The following UBXN2A variants were observed in gnomAD, a reference collection of about 807,000 sequenced individuals.
UBXN2A encodes the protein UBX domain-containing protein 2A.
In UBXN2A, 28 loss-of-function variants were observed where a neutral mutation model predicts 28.4. The ratio of observed to expected loss-of-function variants is 0.99; its 90% CI spans 0.73 to 1.35. The LOEUF (loss-of-function observed/expected upper bound fraction) is 1.35. Among genes scored for constraint, UBXN2A ranks in the 40% most tolerant of loss-of-function variants. UBXN2A has a pLI of 0.00. For synonymous variants in UBXN2A, 97 were observed against 103.6 expected (o/e 0.94, Z 0.39); for missense variants, 253 against 297.9 (o/e 0.85, Z 1.11).
intron 3 of UBXN2A, among the ~76,000 whole-genome samples, chr2:23,972,402 A>G (rs1258147006): frequency 1.3e-5 from 2 of 152,222 alleles, no homozygotes; most frequent in African/African-American, 2.4e-5. Flanking sequence ...CTGAAATTCA[A>G]AACCCTCTGG....
intron 3 of UBXN2A, among the ~76,000 whole-genome samples, chr2:23,976,220 C>T (rs1337049678): frequency 6.6e-6 from 1 of 152,132 alleles, no homozygotes; most frequent in African/African-American, 2.4e-5. Context: ...GGAGCTACCG[C>T]GCCTGGCCCA....
upstream of UBXN2A, among the ~76,000 whole-genome samples, chr2:23,935,548 A>C (rs1170460026): frequency 6.6e-6 from 1 of 152,252 alleles, no homozygotes; most frequent in Non-Finnish European, 1.5e-5. Context: ...GATACACTTC[A>C]TACTCATTAG....
intron 1 of UBXN2A, among the ~76,000 whole-genome samples, chr2:23,948,235 G>A (rs1009155675): frequency 6.7e-6 from 1 of 149,852 alleles, no homozygotes; most frequent in African/African-American, 2.5e-5. Context: ...TAAGTCTGAA[G>A]ATGTTTCTTT....
rs1708749708 is a variant in UBXN2A, at chr2:24,003,085, C to T, written c.*3218C>T. 1 of 152,116 alleles carries T rather than the reference C, an allele frequency of 6.6e-6. No homozygotes were observed. Among genetic ancestry groups the T allele is most frequent in the Admixed American group, 6.5e-5 (1 of 15,270 alleles). The allele number at this position is 152,116 out of a possible 1,614,324, so 9.4% of individuals were successfully genotyped here. On this transcript the variant is annotated 3_prime_UTR_variant, in exon 7 of 7. Transcript: ENST00000309033. Reference sequence around the variant, plus strand: ...AGCTTTTCAAAAATGCCATTCCTGCCACCTACCACAAAGATTCTGATTCAC... The same window carrying T: ...AGCTTTTCAAAAATGCCATTCCTGCTACCTACCACAAAGATTCTGATTCAC...
chr2:23,938,673 CTATACAGCTACTATACAGCTG>C (rs374269393), upstream of UBXN2A, among the ~76,000 whole-genome samples: 93 of 151,266 alleles, frequency 6.1e-4, no homozygotes, highest in South Asian at 2.5e-3. Flanking sequence ...TTCCTGATTT[CTATACAGCTACTATACAGCTG>C]TATACAGCTA....
At chr2:23,941,545 G>T (rs944144213) in intron 1 of UBXN2A, among the ~76,000 whole-genome samples, 1 of 152,222 alleles carries the variant, frequency 6.6e-6, no homozygotes, top group Non-Finnish European at 1.5e-5. Context: ...CTGCAGTCCA[G>T]TGTTAATGGA....
At chr2:23,943,049 G>A (rs896156006) in intron 1 of UBXN2A, among the ~76,000 whole-genome samples, 5 of 151,032 alleles carry the variant, frequency 3.3e-5, no homozygotes, top group African/African-American at 4.9e-5. Context: ...TCTGCCTCCC[G>A]GGTTCAAACG....
intron 2 of UBXN2A, 119 bp from the exon 3 acceptor site, chr2:23,971,157 G>C (rs1707398391): frequency 8.9e-7 from 1 of 1,117,842 alleles, no homozygotes; most frequent in East Asian, 2.5e-5. Flanking sequence ...ACTTAGGAGA[G>C]GGCCTGAACT....
intron 2 of UBXN2A, among the ~76,000 whole-genome samples, chr2:23,970,410 T>C (rs1217895970): frequency 4.6e-5 from 7 of 152,156 alleles, no homozygotes; most frequent in Non-Finnish European, 7.3e-5. Context: ...TTGGTTGTTA[T>C]AACACTGGGG....
intron 4 of UBXN2A, 94 bp from the exon 5 acceptor site, chr2:23,982,802 A>G: frequency 7.7e-7 from 1 of 1,299,634 alleles, no homozygotes; most frequent in Non-Finnish European, 1.0e-6. Context: ...ATTTCTGTAT[A>G]TTTCTACATA....
intron 1 of UBXN2A, among the ~76,000 whole-genome samples, chr2:23,931,816 G>C (rs1053721470): frequency 1.3e-5 from 2 of 152,136 alleles, no homozygotes; most frequent in African/African-American, 4.8e-5. Flanking sequence ...TTCAGGACCA[G>C]CCTGAGCAAC....
chr2:23,980,878 C>T (rs750297870), intron 4 of UBXN2A, among the ~76,000 whole-genome samples: 8 of 152,130 alleles, frequency 5.3e-5, no homozygotes, highest in African/African-American at 1.2e-4. Flanking sequence ...TCACCCGCCT[C>T]GGCCTTTCAC....
chr2:23,971,185 A>T, intron 2 of UBXN2A, 91 bp from the exon 3 acceptor site: 4 of 1,349,768 alleles, frequency 3.0e-6, no homozygotes, highest in Non-Finnish European at 3.9e-6. Flanking sequence ...TGCACGTAGC[A>T]TCTAAGTTCA....
At chr2:23,931,621 A>G (rs1198781435) in intron 1 of UBXN2A, among the ~76,000 whole-genome samples, 1 of 152,236 alleles carries the variant, frequency 6.6e-6, no homozygotes, top group Admixed American at 6.5e-5. Context: ...AAGCTAAGTC[A>G]TAGCAGGAAC....
At chr2:23,969,377 A>C (rs1433701439) in intron 2 of UBXN2A, among the ~76,000 whole-genome samples, 3 of 150,826 alleles carry the variant, frequency 2.0e-5, no homozygotes, top group Non-Finnish European at 4.4e-5. Context: ...TTTCTCCAAA[A>C]CATTTATTTA....
At chr2:23,999,446 G>A (rs1409691940) in intron 6 of UBXN2A, among the ~76,000 whole-genome samples, 1 of 152,180 alleles carries the variant, frequency 6.6e-6, no homozygotes, top group Non-Finnish European at 1.5e-5. Flanking sequence ...GAGTCTGGGT[G>A]TTGTGGCTCA....
At chr2:23,945,415 A>G (rs1358505238) in intron 1 of UBXN2A, among the ~76,000 whole-genome samples, 2 of 152,242 alleles carry the variant, frequency 1.3e-5, no homozygotes, top group Non-Finnish European at 2.9e-5. Flanking sequence ...ATAGTAAACC[A>G]GAATTCACAA....
chr2:23,978,129 A>G (rs1207306267), intron 4 of UBXN2A, among the ~76,000 whole-genome samples: 2 of 152,172 alleles, frequency 1.3e-5, no homozygotes, highest in Non-Finnish European at 2.9e-5. Flanking sequence ...CGCCTGGCCA[A>G]CAAATATAAT....
chr2:23,978,980 A>C (rs1707787476), intron 4 of UBXN2A, among the ~76,000 whole-genome samples: 1 of 151,778 alleles, frequency 6.6e-6, no homozygotes, highest in African/African-American at 2.4e-5. Flanking sequence ...AAAAAATTGC[A>C]ATGTTTACTA....
Sources: allele counts gnomAD v4.1 joint callset (sites outside exome capture counted in the v4.1 genomes callset), GRCh38; gene constraint gnomAD v4.1.1; transcripts MANE v1.5; gene names NCBI Gene and HGNC (gene_info 2026-07-23, HGNC 2026-07-21).